SPRED1: variants seen among roughly 807,000 people sequenced by gnomAD.
The protein encoded by SPRED1 is sprouty-related, EVH1 domain-containing protein 1.
Under a neutral mutation model 52.3 loss-of-function variants are expected in SPRED1, and 18 were observed. That is an observed-to-expected ratio of 0.34 (90% confidence interval 0.24 to 0.51). The LOEUF is 0.51. Ranked by LOEUF, SPRED1 falls within the 20% of genes least tolerant of loss-of-function variation. The probability of loss-of-function intolerance (pLI) is 0.97; values close to 1 mark genes in which losing one functional copy is unlikely to be tolerated. For missense variants in SPRED1, 485 were observed against 551.0 expected, an observed-to-expected ratio of 0.88 and a Z score of 1.20; for synonymous variants, 155 against 179.7, an observed-to-expected ratio of 0.86 and a Z score of 1.10.
intron 1 of SPRED1, among the ~76,000 whole-genome samples, chr15:38,296,546 A>C (rs1478287407): frequency 6.6e-6 from 1 of 152,132 alleles, no homozygotes; most frequent in African/African-American, 2.4e-5. Context: ...ACTTTATTGA[A>C]ATACTAGCTG....
chr15:38,351,083 G>A lies in SPRED1; in HGVS notation c.754G>A (p.Asp252Asn). 6.2e-7 allele frequency: 1 copy of A among 1,613,956 alleles called. No individual in the cohort carries two copies. Among genetic ancestry groups the A allele is most frequent in the South Asian group, 1.1e-5 (1 of 91,076 alleles). The part of the protein sequence containing the change: ...EDEIVRINPR[D>N]ILIRRYADYR... ...TGAGATTGTCAGAATAAACCCTCGA[G>A]ATATCTTAATACGTCGCTATGCAGA... The change falls in exon 7 of 7, where the codon GAT (aspartate) becomes AAT (asparagine). Residue 252 changes from aspartate to asparagine, a missense_variant. Physicochemically the swap from Asp to Asn is conservative, Grantham distance 23 (BLOSUM62 1). Transcript: ENST00000299084.
intron 2 of SPRED1, among the ~76,000 whole-genome samples, chr15:38,300,219 T>A (rs897517909): frequency 2.0e-5 from 3 of 152,172 alleles, no homozygotes; most frequent in Non-Finnish European, 4.4e-5. Flanking sequence ...TTAATTAGTA[T>A]GGAAAGCTCC....
In SPRED1 at chr15:38,328,928, C is replaced by G. The variant is rs140861004; in HGVS notation, c.423+4119C>G. Among the ~76,000 whole-genome samples the G allele has an allele frequency of 8.1e-3, 1,230 of 152,206 alleles. 17 individuals carry two copies. The highest frequency in any genetic ancestry group is 0.028 in the African/African-American group (1,174 of 41,522). ...ACGGGGTTTTGCCACGTTGCCCAGG[C>G]TGGTCTCAAACTCCTGGGCTCAAGT... On this transcript the variant is annotated intron_variant, in intron 4 of 6. Transcript: ENST00000299084.
rs1013763537 is a variant in SPRED1 at position 38,296,058 on chromosome 15, TTAAG to T, written c.33-3313_33-3310del. Reference sequence around the variant, plus strand: ...CTAAGGAGCTTGACTATCAAACACTTTAAGTGTTTTAAGCCTGGTTTTTCCTTAT... The same window carrying T: ...CTAAGGAGCTTGACTATCAAACACTTTGTTTTAAGCCTGGTTTTTCCTTAT... On this transcript the variant is annotated intron_variant, in intron 1 of 6. Coordinates refer to ENST00000299084, the MANE Select transcript of SPRED1 (RefSeq NM_152594.3). 2.3e-4 allele frequency among the ~76,000 whole-genome samples: 35 copies of T among 152,148 alleles called. 1 individual carries two copies. The highest frequency in any genetic ancestry group is 8.2e-4 in the African/African-American group (34 of 41,564).
chr15:38,326,995 A>C lies in SPRED1; in HGVS notation c.423+2186A>C, dbSNP rs949494789. On this transcript the variant is annotated intron_variant, in intron 4 of 6. Coordinates refer to ENST00000299084, the MANE Select transcript of SPRED1 (RefSeq NM_152594.3). Reference sequence around the variant, plus strand: ...GTTCCTCTCATTTTTTCCACTTTTGAGCAAGAAGGTCACATGGCAGTTACC... The same window carrying C: ...GTTCCTCTCATTTTTTCCACTTTTGCGCAAGAAGGTCACATGGCAGTTACC... Among the ~76,000 whole-genome samples the C allele has an allele frequency of 7.2e-5, 11 of 152,250 alleles. No homozygotes were observed. In the South Asian group the frequency reaches 1.2e-3, roughly 17 times the overall value.
chr15:38,342,147 T>C (rs1257254445), intron 5 of SPRED1, among the ~76,000 whole-genome samples: 1 of 151,728 alleles, frequency 6.6e-6, no homozygotes, highest in Non-Finnish European at 1.5e-5. Context: ...ATTTGCCCCA[T>C]TTGCTGTGTT....
intron 1 of SPRED1, among the ~76,000 whole-genome samples, chr15:38,259,479 CA>C (rs1485190106): frequency 2.0e-5 from 3 of 152,110 alleles, no homozygotes; most frequent in Admixed American, 6.5e-5. Flanking sequence ...TTCCTTGGCT[CA>C]AGTGATCCTC....
At position 38,316,748 on chromosome 15, in the gene SPRED1, G is replaced by GGTTTTTT; in HGVS notation, c.208-5493_208-5492insGTTTTTT. Among the ~76,000 whole-genome samples, 193 of 41,856 alleles carry GGTTTTTT rather than the reference G, an allele frequency of 4.6e-3. 2 individuals carry two copies. The highest frequency in any genetic ancestry group is 0.015 in the East Asian group (10 of 648). The allele number at this position is 41,856 out of a possible 152,430, so 27.5% of individuals were successfully genotyped here. On this transcript the variant is annotated intron_variant, in intron 2 of 6. Transcript: ENST00000299084. Reference sequence around the variant, plus strand: ...TCTAGTTTACAATTTTCCATTATATGTTTTTTTTTTTTTTTTTTTTTTTTG... The same window carrying GGTTTTTT: ...TCTAGTTTACAATTTTCCATTATATGGTTTTTTTTTTTTTTTTTTTTTTTTTTTTTTG...
chr15:38,350,079 C>G (rs1469095603), intron 6 of SPRED1, among the ~76,000 whole-genome samples: 1 of 152,178 alleles, frequency 6.6e-6, no homozygotes, highest in Non-Finnish European at 1.5e-5. Context: ...TGTACCCAAG[C>G]TACACACATG....
intron 5 of SPRED1, among the ~76,000 whole-genome samples, chr15:38,343,612 C>G (rs1035936510): frequency 6.6e-6 from 1 of 152,076 alleles, no homozygotes; most frequent in Non-Finnish European, 1.5e-5. Context: ...AACAAAAAAA[C>G]TTCTAGATCA....
At chr15:38,339,170 T>TAGTG (rs59857023) in intron 4 of SPRED1, among the ~76,000 whole-genome samples, 124,666 of 151,480 alleles carry the variant, frequency 0.82, 52,106 homozygotes, top group Non-Finnish European at 0.9. Flanking sequence ...TAAGTGTCTT[T>TAGTG]AGTGTCATTT....
chr15:38,310,303 C>G (rs1352554802), intron 2 of SPRED1, among the ~76,000 whole-genome samples: 1 of 151,980 alleles, frequency 6.6e-6, no homozygotes, highest in Non-Finnish European at 1.5e-5. Flanking sequence ...ACCACGCTCG[C>G]TAATTTTTGT....
At chr15:38,280,631 C>T (rs1020005769) in intron 1 of SPRED1, among the ~76,000 whole-genome samples, 2 of 152,034 alleles carry the variant, frequency 1.3e-5, no homozygotes, top group African/African-American at 4.8e-5. Flanking sequence ...CTACTTAGGA[C>T]ATTTGGTTAG....
At position 38,352,630 on chromosome 15, in the gene SPRED1, C is replaced by T. The variant is rs1888517904; in HGVS notation, c.*966C>T. 6.6e-6 allele frequency: 1 copy of T among 152,284 alleles called. No individual in the cohort carries two copies. Among genetic ancestry groups the T allele is most frequent in the Non-Finnish European group, 1.5e-5 (1 of 67,944 alleles). 9.4% of individuals were successfully genotyped at this position (152,284 alleles called of 1,614,324 possible). ...TTTCCTCCTTCAAAAAGTTATATTG[C>T]ATTTACAAATGTTTTACAAGGCAGA... On this transcript the variant is annotated 3_prime_UTR_variant, in exon 7 of 7. Transcript: ENST00000299084.
chr15:38,334,885 G>T (rs1895880070), intron 4 of SPRED1, among the ~76,000 whole-genome samples: 2 of 68,888 alleles, frequency 2.9e-5, no homozygotes, highest in Non-Finnish European at 7.3e-5. Context: ...GGGTCAAAAA[G>T]TACGGATTTT....
rs894527836 is a variant in SPRED1 at position 38,352,490 on chromosome 15, C to T, written c.*826C>T. 50 of 152,202 alleles carry T rather than the reference C, an allele frequency of 3.3e-4. No individual in the cohort carries two copies. The highest frequency in any genetic ancestry group is 9.4e-4 in the African/African-American group (39 of 41,410). 9.4% of individuals were successfully genotyped at this position (152,202 alleles called of 1,614,324 possible). On this transcript the variant is annotated 3_prime_UTR_variant, in exon 7 of 7. Transcript: ENST00000299084. Reference sequence around the variant, plus strand: ...TAATTGTCTAATGTTCTGATGGGAACGTAACACTTATTTTTATATAAAAAG... The same window carrying T: ...TAATTGTCTAATGTTCTGATGGGAATGTAACACTTATTTTTATATAAAAAG...
intron 5 of SPRED1, among the ~76,000 whole-genome samples, chr15:38,343,145 A>G (rs1464173913): frequency 6.6e-6 from 1 of 152,076 alleles, no homozygotes; most frequent in African/African-American, 2.4e-5. Flanking sequence ...TAAATGCCCC[A>G]ATAAAATTCA....
At chr15:38,317,909 G>A (rs1566865909) in intron 2 of SPRED1, among the ~76,000 whole-genome samples, 1 of 149,378 alleles carries the variant, frequency 6.7e-6, no homozygotes, top group Non-Finnish European at 1.5e-5. Flanking sequence ...TATACATTGT[G>A]TTTAGTATGA....
In SPRED1 at chr15:38,308,771, G is replaced by A. The variant is rs545625947; in HGVS notation, c.207+9224G>A. ...TTTCCAGTTTGGGACTAAATATAAC[G>A]TTGCTGTGAACATTCACATACATGT... On this transcript the variant is annotated intron_variant, in intron 2 of 6. Coordinates refer to ENST00000299084, the MANE Select transcript of SPRED1 (RefSeq NM_152594.3). 2.0e-5 allele frequency among the ~76,000 whole-genome samples: 3 copies of A among 152,240 alleles called. 1 individual carries two copies. The highest frequency in any genetic ancestry group is 4.1e-4 in the South Asian group (2 of 4,824).
Sources: allele counts gnomAD v4.1 joint callset (sites outside exome capture counted in the v4.1 genomes callset), GRCh38; gene constraint gnomAD v4.1.1; transcripts MANE v1.5; gene names NCBI Gene and HGNC (gene_info 2026-07-23, HGNC 2026-07-21).